The following PLK3 variants were observed in gnomAD, a reference collection of about 807,000 sequenced individuals.
PLK3 encodes serine/threonine-protein kinase PLK3.
In PLK3, 41 loss-of-function variants were observed where a neutral mutation model predicts 71.6. The ratio of observed to expected loss-of-function variants is 0.57; its 90% CI spans 0.45 to 0.74. PLK3 has a LOEUF of 0.74. Among genes scored for constraint, PLK3 ranks in the 30% least tolerant of loss-of-function variants. The pLI, the probability that PLK3 is intolerant of heterozygous loss-of-function variation, is 0.00. For synonymous variants in PLK3, 366 were observed against 355.4 expected (o/e 1.03, Z -0.33); for missense variants, 791 against 875.6 (o/e 0.90, Z 1.22).
chr1:44,804,978 G>T, intron 13 of PLK3, 199 bp downstream of exon 13: 1 of 595,730 alleles, frequency 1.7e-6, no homozygotes, highest in Non-Finnish European at 2.9e-6. Flanking sequence ...GGTGGCGGGC[G>T]CCTGTAGTCC....
Position 44,805,965 on chromosome 1 carries a change from C to T in PLK3, c.*287C>T. The stretch of plus-strand genomic sequence containing the variant: ...ATGTGAGCCCCAGGGGGGCCTCCTC[C>T]TAGGATAATAAACAATTTTGCAGAA... On this transcript the variant is annotated 3_prime_UTR_variant, in exon 15 of 15. Coordinates refer to ENST00000372201, the MANE Select transcript of PLK3 (RefSeq NM_004073.4). 1 of 1,516,956 alleles carries T rather than the reference C, an allele frequency of 6.6e-7. No homozygotes were observed. Among genetic ancestry groups the T allele is most frequent in the Non-Finnish European group, 8.8e-7 (1 of 1,131,938 alleles). The allele number at this position is 1,516,956 out of a possible 1,614,324, so 94.0% of individuals were successfully genotyped here. A position where few individuals can be genotyped will look rare whatever the true frequency, so the allele number is the denominator to read the frequency against.
Position 44,805,706 on chromosome 1 carries a change from T to A in PLK3, c.*28T>A. On this transcript the variant is annotated 3_prime_UTR_variant, in exon 15 of 15. Transcript: ENST00000372201. ...CCCAAGCCCTGAGGCCTGAGGCCTG[T>A]GCCTGTCAGGCTCTGGCCCTTGCCT... 1 of 1,597,522 alleles carries A rather than the reference T, an allele frequency of 6.3e-7. No individual in the cohort carries two copies. The highest frequency in any genetic ancestry group is 8.5e-7 in the Non-Finnish European group (1 of 1,170,872).
chr1:44,802,806 A>G lies in PLK3; in HGVS notation c.700A>G (p.Arg234Gly). 6.2e-7 allele frequency: 1 copy of G among 1,613,906 alleles called. No homozygotes were observed. Among genetic ancestry groups the G allele is most frequent in the Non-Finnish European group, 8.5e-7 (1 of 1,179,918 alleles). Reference protein sequence around the residue: ...PNYVAPEVLLRQGHGPEADVW... With the variant: ...PNYVAPEVLLGQGHGPEADVW... ...CTATGTGGCTCCAGAAGTGCTGCTG[A>G]GACAGGGCCACGGCCCTGAGGCGGA... The change falls in exon 6 of 15, where the codon AGA (arginine) becomes GGA (glycine). Residue 234 changes from arginine (R) to glycine (G), a missense_variant. Coordinates refer to ENST00000372201, the MANE Select transcript of PLK3 (RefSeq NM_004073.4).
chr1:44,804,060 T>G (rs1423307898), intron 10 of PLK3, 36 bp downstream of exon 10: 1 of 1,545,606 alleles, frequency 6.5e-7, no homozygotes, highest in South Asian at 1.1e-5. Flanking sequence ...TGATAGAGGT[T>G]GCTGGAGCTG....
chr1:44,800,720 C>T lies in PLK3; in HGVS notation c.210+47C>T. Reference sequence around the variant, plus strand: ...GGGTGGTGATGGTGGAGGTGGGGGTCCCGGCCGGCCTCTTTTCTGGCGCCG... The same window carrying T: ...GGGTGGTGATGGTGGAGGTGGGGGTTCCGGCCGGCCTCTTTTCTGGCGCCG... On this transcript the variant is annotated intron_variant, in intron 1 of 14. Transcript: ENST00000372201. The surrounding 1 kb of genome is among the most constrained non-coding windows in gnomAD (Gnocchi z 6.5). 1 of 1,534,690 alleles carries T rather than the reference C, an allele frequency of 6.5e-7. No homozygotes were observed. Among genetic ancestry groups the T allele is most frequent in the Non-Finnish European group, 8.8e-7 (1 of 1,142,822 alleles).
At chr1:44,804,981 T>C (rs749683313) in intron 13 of PLK3, 16 of 594,276 alleles carry the variant, frequency 2.7e-5, no homozygotes, top group Admixed American at 1.2e-4. Flanking sequence ...GGCGGGCGCC[T>C]GTAGTCCCAG....
chr1:44,805,087 C>T (rs1292337100), intron 13 of PLK3, 179 bp from the exon 14 acceptor site: 1 of 591,226 alleles, frequency 1.7e-6, no homozygotes, highest in Non-Finnish European at 3.0e-6. Flanking sequence ...GCCTGGGCAA[C>T]AGAGCGAGAC....
chr1:44,801,203 CT>C (rs34463102), intron 3 of PLK3, 51 bp downstream of exon 3: 42,176 of 331,140 alleles, frequency 0.13, 2 homozygotes, highest in East Asian at 0.17. Context: ...AGAAGACAGT[CT>C]TTTTTTTTTT....
Position 44,801,924 on chromosome 1 carries a change from G to A in PLK3, c.645G>A (p.Gln215=). The A allele has an allele frequency of 1.2e-6, 2 of 1,612,646 alleles. No homozygotes were observed. Among genetic ancestry groups the A allele is most frequent in the South Asian group, 2.2e-5 (2 of 90,946 alleles). The change falls in exon 5 of 15, where the codon CAG becomes CAA. Residue 215 remains glutamine, a synonymous_variant. Coordinates refer to ENST00000372201, the MANE Select transcript of PLK3 (RefSeq NM_004073.4). The part of the protein sequence containing the change: ...GLAARLEPPE[Q]RKKTICGTPN... ...CAGCCCGGTTGGAGCCTCCGGAGCA[G>A]AGGAAGAAGTGAGTTTTGAGGAAAG...
In PLK3 at chr1:44,804,906, C is replaced by A. The variant is rs565644484; in HGVS notation, c.1635+127C>A. ...GGATTATGAGGTCAGGAGATCGAGA[C>A]CATCCTGGCTAACAAGGTGAAACCC... On this transcript the variant is annotated intron_variant, in intron 13 of 14. Coordinates refer to ENST00000372201, the MANE Select transcript of PLK3 (RefSeq NM_004073.4). 8 of 844,096 alleles carry A rather than the reference C, an allele frequency of 9.5e-6. No individual in the cohort carries two copies. The South Asian group carries it at 1.1e-4, about 12-fold the overall frequency. The allele number at this position is 844,096 out of a possible 1,614,324, so 52.3% of individuals were successfully genotyped here.
intron 5 of PLK3, among the ~76,000 whole-genome samples, 173 bp from the exon 6 acceptor site, chr1:44,802,587 G>T (rs141192716): frequency 6.6e-6 from 1 of 152,068 alleles, no homozygotes; most frequent in African/African-American, 2.4e-5. Flanking sequence ...TGGGCCAGGC[G>T]GGTGGGCGGG....
Position 44,803,317 on chromosome 1 carries a change from A to G in PLK3, c.998A>G (p.Asp333Gly). 1.9e-6 allele frequency: 3 copies of G among 1,614,028 alleles called. No homozygotes were observed. Among genetic ancestry groups the G allele is most frequent in the Non-Finnish European group, 2.5e-6 (3 of 1,179,984 alleles). Residue 333 changes from aspartate to glycine, a missense_variant, in exon 8 of 15, where the codon GAC (aspartate) becomes GGC (glycine). By Grantham distance (94) the Asp-to-Gly change is moderately conservative. Transcript: ENST00000372201. The surrounding 1 kb of genome is among the most constrained non-coding windows in gnomAD (Gnocchi z 4.3). The part of the protein sequence containing the change: ...LPISSCVTVP[D>G]LTPPNPARSL... Reference sequence around the variant, plus strand: ...ATCAGCAGCTGCGTGACAGTCCCAGACCTGACACCCCCCAACCCAGCTAGG... The same window carrying G: ...ATCAGCAGCTGCGTGACAGTCCCAGGCCTGACACCCCCCAACCCAGCTAGG...
At position 44,801,722 on chromosome 1, in the gene PLK3, G is replaced by A. The variant is rs544406648; in HGVS notation, c.536G>A (p.Arg179His). ...TCTGGCCTCAAGTACTTGCACCAGC[G>A]CGGCATCTTGCACCGGGACCTCAAG... is the stretch of plus-strand genomic sequence containing the variant. ...ILSGLKYLHQRGILHRDLKLG... is the reference protein window; with the variant it reads ...ILSGLKYLHQHGILHRDLKLG... The change falls in exon 4 of 15, where the codon CGC (arginine) becomes CAC (histidine). Residue 179 changes from arginine to histidine, a missense_variant. Physicochemically the swap from Arg to His is conservative, Grantham distance 29. Coordinates refer to ENST00000372201, the MANE Select transcript of PLK3 (RefSeq NM_004073.4). 11 of 1,613,094 alleles carry A rather than the reference G, an allele frequency of 6.8e-6. No individual in the cohort carries two copies. Among genetic ancestry groups the A allele is most frequent in the Admixed American group, 1.7e-5 (1 of 59,868 alleles).
chr1:44,803,599 G>T lies in PLK3; in HGVS notation c.1073-1G>T, dbSNP rs1167250456. 6 of 1,613,562 alleles carry T rather than the reference G, an allele frequency of 3.7e-6. No individual in the cohort carries two copies. Among genetic ancestry groups the T allele is most frequent in the Non-Finnish European group, 5.1e-6 (6 of 1,179,500 alleles). On this transcript the variant is annotated splice_acceptor_variant, in intron 8 of 14. Transcript: ENST00000372201. LOFTEE classifies it high-confidence loss of function. This position sits in a 1 kb window ranked among gnomAD's most constrained non-coding sequence, Gnocchi z 4.3. ...AGGACGGTATCACCTTTCACCCCCA[G>T]GTAAGAATCATGCCCAGGAGAGGGA...
At chr1:44,805,105 C>G in intron 13 of PLK3, 161 bp from the exon 14 acceptor site, 1 of 462,664 alleles carries the variant, frequency 2.2e-6, no homozygotes, top group Non-Finnish European at 3.9e-6. Flanking sequence ...GACTCCATCT[C>G]AAAAAAAAAA....
Position 44,805,553 on chromosome 1 carries a change from G to C in PLK3, c.1816G>C (p.Val606Leu). 1 of 1,614,208 alleles carries C rather than the reference G, an allele frequency of 6.2e-7. No individual in the cohort carries two copies. Among genetic ancestry groups the C allele is most frequent in the Non-Finnish European group, 8.5e-7 (1 of 1,180,020 alleles). Residue 606 changes from valine to leucine, a missense_variant, in exon 15 of 15, where the codon GTG becomes CTG. Transcript: ENST00000372201. ...SGWEPLLVTF[V>L]ARNRSACTYL... The stretch of plus-strand genomic sequence containing the variant: ...CTGGGAGCCCCTCCTTGTGACTTTT[G>C]TGGCCCGAAATCGTAGTGCTTGTAC...
intron 5 of PLK3, among the ~76,000 whole-genome samples, chr1:44,802,179 A>T (rs1040980394): frequency 2.0e-5 from 3 of 152,088 alleles, no homozygotes; most frequent in African/African-American, 7.2e-5. Context: ...CCTGAGACAG[A>T]TGGGGGTATA....
Position 44,804,187 on chromosome 1 carries a change from C to T in PLK3, c.1283C>T (p.Ala428Val). 1 of 1,613,838 alleles carries T rather than the reference C, an allele frequency of 6.2e-7. No individual in the cohort carries two copies. Among genetic ancestry groups the T allele is most frequent in the Non-Finnish European group, 8.5e-7 (1 of 1,179,728 alleles). The change falls in exon 11 of 15, where the codon GCC (alanine) becomes GTC (valine). Residue 428 changes from alanine (A) to valine (V), a missense_variant. Ala to Val is a moderately conservative substitution (Grantham distance 64). Transcript: ENST00000372201. ...GDGFEEGLTV[A>V]TVVESALCAL... is the part of the protein sequence containing the mutation. ...GGATTTGAAGAAGGTCTGACTGTGG[C>T]CACAGTAGTGGAGTCAGCCCTTTGT...
Position 44,800,965 on chromosome 1 carries a change from G to A in PLK3, c.318+18G>A. On this transcript the variant is annotated intron_variant, in intron 2 of 14. Transcript: ENST00000372201. The surrounding 1 kb of genome is among the most constrained non-coding windows in gnomAD (Gnocchi z 6.5). ...GCGAGAAGGTGGGTCCAGGCTCAGC[G>A]GGCGAGGGGTGGGGTGGGGACGGTG... is the stretch of plus-strand genomic sequence containing the variant. The A allele has an allele frequency of 6.2e-7, 1 of 1,611,882 alleles. No individual in the cohort carries two copies.
Sources: allele counts gnomAD v4.1 joint callset (sites outside exome capture counted in the v4.1 genomes callset), GRCh38; gene constraint gnomAD v4.1.1; non-coding constraint Gnocchi (gnomAD v3.1); transcripts MANE v1.5; gene names NCBI Gene and HGNC (gene_info 2026-07-23, HGNC 2026-07-21).